Variants in WDR27 observed in about 807,000 individuals in gnomAD.
WDR27 encodes WD repeat domain 27.
WDR27 carries 100 observed loss-of-function variants against 114.4 expected under a neutral mutation model. That is an observed-to-expected ratio of 0.87 (90% CI 0.74 to 1.03). The LOEUF (loss-of-function observed/expected upper bound fraction) is 1.03, where lower values mean the gene tolerates loss of function less well. Among genes scored for constraint, WDR27 ranks in the 50% least tolerant of loss-of-function variants. The probability of loss-of-function intolerance (pLI) is 0.00; values close to 1 mark genes in which losing one functional copy is unlikely to be tolerated. For synonymous variants in WDR27, 449 were observed against 423.1 expected (o/e 1.06, Z -0.75); for missense variants, 1,129 against 1,092.9 (o/e 1.03, Z -0.47).
At chr6:169,636,725 C>A (rs1817732646) in intron 18 of WDR27, among the ~76,000 whole-genome samples, 1 of 152,180 alleles carries the variant, frequency 6.6e-6, no homozygotes, top group Non-Finnish European at 1.5e-5. Flanking sequence ...TGAATTCCAG[C>A]CATTTAACAA....
In WDR27 at chr6:169,457,438, A is replaced by G. The variant is rs1784410868; in HGVS notation, c.*154T>C. The G allele has an allele frequency of 1.7e-6, 1 of 581,816 alleles. No individual in the cohort carries two copies. Among genetic ancestry groups the G allele is most frequent in the Admixed American group, 3.3e-5 (1 of 30,424 alleles). The allele number at this position is 581,816 out of a possible 1,614,324, so 36.0% of individuals were successfully genotyped here. ...CTCTGACATGGCACACACAGAGGGG[A>G]GGAGCTTGCAAACGGGGGAAATCTG... On this transcript the variant is annotated 3_prime_UTR_variant, in exon 26 of 26. Coordinates refer to ENST00000448612, the MANE Select transcript of WDR27 (RefSeq NM_182552.5).
At chr6:169,698,963 T>G (rs765075420) in intron 1 of WDR27, among the ~76,000 whole-genome samples, 3 of 152,204 alleles carry the variant, frequency 2.0e-5, no homozygotes, top group African/African-American at 7.2e-5. Flanking sequence ...TCAGTGACAC[T>G]GTAGGATGTT....
At chr6:169,614,416 T>TG (rs1254273772) in intron 21 of WDR27, among the ~76,000 whole-genome samples, 10 of 152,198 alleles carry the variant, frequency 6.6e-5, no homozygotes, top group African/African-American at 2.4e-4. Context: ...CCAGGTACAG[T>TG]GGCTTACACC....
intron 25 of WDR27, among the ~76,000 whole-genome samples, chr6:169,460,156 C>A (rs1784743421): frequency 6.6e-6 from 1 of 152,068 alleles, no homozygotes; most frequent in Admixed American, 6.6e-5. Context: ...AGTCTAAAAG[C>A]TAGTATTATC....
chr6:169,595,504 C>A (rs993289435), intron 23 of WDR27, among the ~76,000 whole-genome samples: 6 of 152,156 alleles, frequency 3.9e-5, no homozygotes, highest in African/African-American at 1.2e-4. Context: ...AATATTTATA[C>A]TCTTAATTAC....
At chr6:169,681,748 G>A (rs565714167) in intron 2 of WDR27, among the ~76,000 whole-genome samples, 126 of 152,288 alleles carry the variant, frequency 8.3e-4, no homozygotes, top group Non-Finnish European at 1.6e-3. Context: ...AGGGAGACTT[G>A]CCCGTATCTT....
chr6:169,454,513 TAC>T (rs570566579), downstream of WDR27, among the ~76,000 whole-genome samples: 38 of 152,288 alleles, frequency 2.5e-4, no homozygotes, highest in East Asian at 7.1e-3. Context: ...AAGTCTGAAA[TAC>T]ACACAGTTTT....
At chr6:169,553,693 A>G (rs1000839921) in intron 25 of WDR27, among the ~76,000 whole-genome samples, 3 of 152,202 alleles carry the variant, frequency 2.0e-5, no homozygotes, top group African/African-American at 7.2e-5. Context: ...TTATGTGAAC[A>G]TTACGACCTG....
intron 21 of WDR27, among the ~76,000 whole-genome samples, chr6:169,626,238 G>A (rs1814778302): frequency 6.6e-6 from 1 of 152,194 alleles, no homozygotes; most frequent in Admixed American, 6.5e-5. Context: ...GGCAGCGCTA[G>A]GCCTCCCACA....
At chr6:169,550,734 G>T in intron 25 of WDR27, among the ~76,000 whole-genome samples, 1 of 151,484 alleles carries the variant, frequency 6.6e-6, no homozygotes, top group East Asian at 1.9e-4. Flanking sequence ...TTTTATTTTT[G>T]AGACAGGGTC....
chr6:169,568,245 C>A (rs1040511430), intron 25 of WDR27, among the ~76,000 whole-genome samples: 1 of 152,102 alleles, frequency 6.6e-6, no homozygotes, highest in Non-Finnish European at 1.5e-5. Flanking sequence ...AGCCAGAAAG[C>A]CCCCATGATT....
At chr6:169,699,148 A>C (rs1787117330) in intron 1 of WDR27, among the ~76,000 whole-genome samples, 1 of 152,218 alleles carries the variant, frequency 6.6e-6, no homozygotes, top group African/African-American at 2.4e-5. Flanking sequence ...AATACGCATT[A>C]GCAGCCAACA....
In WDR27 at chr6:169,582,893, C is replaced by G. The variant is rs775160812; in HGVS notation, c.2466G>C (p.Arg822=). 2.5e-6 allele frequency: 4 copies of G among 1,613,896 alleles called. No individual in the cohort carries two copies. The highest frequency in any genetic ancestry group is 2.5e-6 in the Non-Finnish European group (3 of 1,179,870). The stretch of plus-strand genomic sequence containing the variant: ...TGACAGTGTCTGTGTGCCCAGCCAG[C>G]CGGTGAGAAAACGTGCTTGAGCCCA... The part of the protein sequence containing the change: ...YEMGSSTFSH[R]LAGHTDTVTG... The change falls in exon 24 of 26, where the codon CGG becomes CGC. Residue 822 remains arginine (R), a synonymous_variant. Transcript: ENST00000448612.
intron 23 of WDR27, among the ~76,000 whole-genome samples, chr6:169,599,678 T>C (rs1249356585): frequency 6.6e-6 from 1 of 152,200 alleles, no homozygotes; most frequent in Non-Finnish European, 1.5e-5. Context: ...CTGCTAGCGG[T>C]CTATCAATTT....
intron 14 of WDR27, among the ~76,000 whole-genome samples, chr6:169,651,541 T>G (rs1822553096): frequency 6.6e-6 from 1 of 152,082 alleles, no homozygotes; most frequent in Non-Finnish European, 1.5e-5. Flanking sequence ...GTTATCGTGC[T>G]CTGATGTTAC....
At chr6:169,630,944 A>G (rs2128214128) in intron 21 of WDR27, among the ~76,000 whole-genome samples, 1 of 152,310 alleles carries the variant, frequency 6.6e-6, no homozygotes, top group South Asian at 2.1e-4. Flanking sequence ...AATCATTTTA[A>G]AAGTTAGTAA....
intron 25 of WDR27, among the ~76,000 whole-genome samples, chr6:169,478,055 A>T (rs1386790342): frequency 6.6e-6 from 1 of 152,046 alleles, no homozygotes; most frequent in Non-Finnish European, 1.5e-5. Context: ...TCCAACTTAC[A>T]TGACTTCCTG....
At chr6:169,691,012 G>A (rs375010881) in intron 1 of WDR27, among the ~76,000 whole-genome samples, 27 of 152,248 alleles carry the variant, frequency 1.8e-4, no homozygotes, top group South Asian at 1.2e-3. Context: ...TCAGGAGATC[G>A]AGACCATCCT....
chr6:169,676,703 A>G (rs1780158089), intron 2 of WDR27, among the ~76,000 whole-genome samples: 1 of 152,228 alleles, frequency 6.6e-6, no homozygotes, highest in East Asian at 1.9e-4. Context: ...TATTGAGTCT[A>G]GGTCTTTAGA....
Sources: allele counts gnomAD v4.1 joint callset (sites outside exome capture counted in the v4.1 genomes callset), GRCh38; gene constraint gnomAD v4.1.1; transcripts MANE v1.5; gene names NCBI Gene and HGNC (gene_info 2026-07-23, HGNC 2026-07-21).